SLC25A26: variants seen among roughly 807,000 people sequenced by gnomAD.
The protein encoded by SLC25A26 is solute carrier family 25 member 26, also known as mitochondrial S-adenosylmethionine carrier protein.
SLC25A26 carries 36 observed loss-of-function variants against 37.8 expected under a neutral mutation model. That is an observed-to-expected ratio of 0.95 (90% CI 0.73 to 1.26). SLC25A26 has a LOEUF of 1.26. Among genes scored for constraint, SLC25A26 ranks in the 50% most tolerant of loss-of-function variants. The pLI is 0.00. For missense variants in SLC25A26, 390 were observed against 331.1 expected (o/e 1.18, Z -1.38); for synonymous variants, 129 against 122.5 (o/e 1.05, Z -0.35).
chr3:66,169,740 A>G (rs1374766078), intron 1 of SLC25A26, among the ~76,000 whole-genome samples: 2 of 152,332 alleles, frequency 1.3e-5, no homozygotes, highest in African/African-American at 2.4e-5. Context: ...ACATACTAGC[A>G]TGCAGATATT....
chr3:66,250,837 A>C (rs1489764461), intron 3 of SLC25A26, among the ~76,000 whole-genome samples: 1 of 152,188 alleles, frequency 6.6e-6, no homozygotes, highest in Non-Finnish European at 1.5e-5. Context: ...TTCATTAAAA[A>C]AATTGTGCAT....
At chr3:66,137,379 A>C (rs2069963023) in intron 1 of SLC25A26, among the ~76,000 whole-genome samples, 1 of 151,822 alleles carries the variant, frequency 6.6e-6, no homozygotes, top group Non-Finnish European at 1.5e-5. Context: ...GGGGCCTGCC[A>C]CCAGGCCTGG....
chr3:66,172,945 A>C (rs994103704), intron 1 of SLC25A26, among the ~76,000 whole-genome samples: 2 of 152,190 alleles, frequency 1.3e-5, no homozygotes, highest in Non-Finnish European at 2.9e-5. Flanking sequence ...TTTCCAAATA[A>C]GGTCACATTC....
intron 3 of SLC25A26, among the ~76,000 whole-genome samples, chr3:66,251,497 C>G (rs562103562): frequency 2.9e-4 from 44 of 152,296 alleles, no homozygotes; most frequent in Non-Finnish European, 5.6e-4. Flanking sequence ...GTCTACCGAG[C>G]TAAGTTGAAT....
At chr3:66,182,734 T>C (rs1052920069) in intron 1 of SLC25A26, among the ~76,000 whole-genome samples, 2 of 117,556 alleles carry the variant, frequency 1.7e-5, no homozygotes, top group East Asian at 3.4e-4. Context: ...GGGGGTGGGG[T>C]ATCAGTAGAA....
At chr3:66,350,278 C>T (rs1348224104) in intron 6 of SLC25A26, among the ~76,000 whole-genome samples, 5 of 152,176 alleles carry the variant, frequency 3.3e-5, no homozygotes, top group South Asian at 2.1e-4. Context: ...AAATTCAACT[C>T]TGTCTAAAAG....
intron 1 of SLC25A26, among the ~76,000 whole-genome samples, chr3:66,229,775 C>G (rs924283095): frequency 6.6e-6 from 1 of 152,098 alleles, no homozygotes; most frequent in Non-Finnish European, 1.5e-5. Flanking sequence ...TTAGGCAATA[C>G]TTAATTTGAA....
chr3:66,164,445 T>G (rs1307753415), intron 1 of SLC25A26, among the ~76,000 whole-genome samples: 3 of 147,130 alleles, frequency 2.0e-5, no homozygotes, highest in East Asian at 2.0e-4. Flanking sequence ...GATATATCAG[T>G]TTTTTTTTTA....
At chr3:66,253,101 ATAATAT>A (rs971814086) in intron 3 of SLC25A26, among the ~76,000 whole-genome samples, 1 of 145,700 alleles carries the variant, frequency 6.9e-6, no homozygotes, top group African/African-American at 2.5e-5. Flanking sequence ...GATTTGGCAG[ATAATAT>A]TAAGAATGTT....
chr3:66,196,883 G>A (rs890006701), intron 1 of SLC25A26, among the ~76,000 whole-genome samples: 16 of 151,978 alleles, frequency 1.1e-4, no homozygotes, highest in African/African-American at 3.9e-4. Context: ...TTTTTAATAA[G>A]CATTATCTTA....
intron 6 of SLC25A26, among the ~76,000 whole-genome samples, chr3:66,358,069 C>G (rs2076617034): frequency 6.6e-6 from 1 of 152,136 alleles, no homozygotes; most frequent in South Asian, 2.1e-4. Flanking sequence ...ATATTGTTAC[C>G]TGTACTATAT....
intron 6 of SLC25A26, 142 bp from the exon 7 acceptor site, chr3:66,362,718 G>T: frequency 2.0e-6 from 1 of 505,974 alleles, no homozygotes; most frequent in Non-Finnish European, 3.5e-6. Flanking sequence ...TTAAGTCTTT[G>T]GGAAAGTCAC....
At chr3:66,205,520 C>T (rs1250336287) in intron 1 of SLC25A26, among the ~76,000 whole-genome samples, 1 of 152,178 alleles carries the variant, frequency 6.6e-6, no homozygotes, top group African/African-American at 2.4e-5. Flanking sequence ...TGTCTACCCG[C>T]ACTCAGAATT....
chr3:66,209,403 A>G (rs2071242835), intron 1 of SLC25A26, among the ~76,000 whole-genome samples: 1 of 140,242 alleles, frequency 7.1e-6, no homozygotes, highest in Non-Finnish European at 1.5e-5. Context: ...ATGTATGTAT[A>G]TGTGTATATG....
chr3:66,313,960 A>C (rs1049605267), intron 5 of SLC25A26, among the ~76,000 whole-genome samples: 1 of 152,066 alleles, frequency 6.6e-6, no homozygotes, highest in Admixed American at 6.6e-5. Context: ...TGACTTTTGC[A>C]TGTTGATTTT....
At chr3:66,253,023 G>GC (rs33979268) in intron 3 of SLC25A26, among the ~76,000 whole-genome samples, 38,342 of 104,980 alleles carry the variant, frequency 0.37, 9,751 homozygotes, top group Non-Finnish European at 0.47. Flanking sequence ...GCAAAATAAT[G>GC]CCCCCCCCCC....
chr3:66,137,956 C>T (rs1209803660), intron 1 of SLC25A26, among the ~76,000 whole-genome samples: 1 of 152,140 alleles, frequency 6.6e-6, no homozygotes, highest in Non-Finnish European at 1.5e-5. Context: ...ACCTCAGCCT[C>T]CAGAGCAGCT....
chr3:66,346,905 G>C (rs2076339130), intron 6 of SLC25A26, among the ~76,000 whole-genome samples: 1 of 152,088 alleles, frequency 6.6e-6, no homozygotes. Context: ...TTAGGGCTCT[G>C]ACTGTCCCTT....
chr3:66,277,546 TTTGA>T (rs1437710265), intron 5 of SLC25A26, among the ~76,000 whole-genome samples: 3 of 152,120 alleles, frequency 2.0e-5, no homozygotes, highest in Admixed American at 6.6e-5. Flanking sequence ...TGTTAATTAA[TTTGA>T]TTGTGGTAAT....
Sources: allele counts gnomAD v4.1 joint callset (sites outside exome capture counted in the v4.1 genomes callset), GRCh38; gene constraint gnomAD v4.1.1; transcripts MANE v1.5; gene names NCBI Gene and HGNC (gene_info 2026-07-23, HGNC 2026-07-21).